Variants in CYP3A43 observed in about 807,000 individuals in gnomAD.
The protein encoded by CYP3A43 is cytochrome P450 family 3 subfamily A member 43.
A neutral mutation model predicts 58.0 loss-of-function variants in CYP3A43; 45 were observed. The observed-to-expected ratio is 0.78, with a 90% confidence interval of 0.61 to 0.99. The LOEUF is 0.99. Ranked by LOEUF, CYP3A43 falls within the 50% of genes least tolerant of loss-of-function variation. The pLI, the probability that CYP3A43 is intolerant of heterozygous loss-of-function variation, is 0.00. For missense variants in CYP3A43, 593 were observed against 591.9 expected, an observed-to-expected ratio of 1.00 and a Z score of -0.02; for synonymous variants, 191 against 201.4, an observed-to-expected ratio of 0.95 and a Z score of 0.44.
rs1442763897 is a variant in CYP3A43 at position 99,847,489 on chromosome 7, C to T, written c.320C>T (p.Pro107Leu). 7 of 1,613,596 alleles carry T rather than the reference C, an allele frequency of 4.3e-6. No homozygotes were observed. Among genetic ancestry groups the T allele is most frequent in the Non-Finnish European group, 3.4e-6 (4 of 1,179,828 alleles). ...AACTGCTTCTGCTTTGAACTCAAGC[C>T]TTTAGGTCCAATGGGATTTCTGAAA... The part of the protein sequence containing the change: ...ECYSVFTNQM[P>L]LGPMGFLKSA... The change falls in exon 5 of 13, where the codon CCT (proline) becomes CTT (leucine). Residue 107 changes from proline to leucine, a missense_variant and splice_region_variant. Coordinates refer to ENST00000354829, the MANE Select transcript of CYP3A43 (RefSeq NM_057095.3).
chr7:99,835,780 A>T, intron 1 of CYP3A43, among the ~76,000 whole-genome samples: 1 of 152,176 alleles, frequency 6.6e-6, no homozygotes, highest in East Asian at 1.9e-4. Context: ...CTTTTAGTGT[A>T]GGCAGAAATG....
At chr7:99,861,574 C>T in intron 10 of CYP3A43, 39 bp from the exon 11 acceptor site, 1 of 1,578,312 alleles carries the variant, frequency 6.3e-7, no homozygotes, top group Non-Finnish European at 8.7e-7. Context: ...AAGTTAATTC[C>T]CAATCTCAAT....
Position 99,861,784 on chromosome 7 carries a change from G to T in CYP3A43, c.1198G>T (p.Ala400Ser), listed in dbSNP as rs780731625. The change falls in exon 11 of 13, where the codon GCT becomes TCT. Residue 400 changes from alanine to serine, a missense_variant. By Grantham distance (99) the Ala-to-Ser change is moderately conservative. Coordinates refer to ENST00000354829, the MANE Select transcript of CYP3A43 (RefSeq NM_057095.3). ...GTTAGCAGTGATGGTTCCAATCTAT[G>T]CTCTTCACCATGACCCAAAGTACTG... ...KGLAVMVPIY[A>S]LHHDPKYWTE... 12 of 1,614,000 alleles carry T rather than the reference G, an allele frequency of 7.4e-6. No homozygotes were observed. Among genetic ancestry groups the T allele is most frequent in the Non-Finnish European group, 9.3e-6 (11 of 1,180,020 alleles).
intron 7 of CYP3A43, 134 bp downstream of exon 7, chr7:99,849,828 C>T (rs1817681063): frequency 6.2e-6 from 6 of 960,146 alleles, no homozygotes; most frequent in Non-Finnish European, 9.0e-6. Flanking sequence ...GTTTTTGGTA[C>T]ATTTAAAGAT....
chr7:99,846,553 G>T (rs549061), intron 4 of CYP3A43, among the ~76,000 whole-genome samples: 1 of 151,836 alleles, frequency 6.6e-6, no homozygotes, highest in African/African-American at 2.4e-5. Flanking sequence ...ATTTCTTGCC[G>T]TCCAATCTGT....
intron 10 of CYP3A43, among the ~76,000 whole-genome samples, chr7:99,860,349 G>A (rs2151624779): frequency 6.6e-6 from 1 of 152,324 alleles, no homozygotes; most frequent in African/African-American, 2.4e-5. Flanking sequence ...CTGTGGTCTG[G>A]CAGTGGTCTG....
chr7:99,856,982 C>G, intron 9 of CYP3A43, 83 bp downstream of exon 9: 1 of 1,474,756 alleles, frequency 6.8e-7, no homozygotes, highest in Non-Finnish European at 9.2e-7. Flanking sequence ...GAAAGTTTTC[C>G]AGGAAAATGA....
At position 99,828,078 on chromosome 7, in the gene CYP3A43, A is replaced by G; in HGVS notation, c.-38A>G. On this transcript the variant is annotated 5_prime_UTR_variant, in exon 1 of 13. Coordinates refer to ENST00000354829, the MANE Select transcript of CYP3A43 (RefSeq NM_057095.3). ...GCAAAGAGCAGCACACAGCTGAAAGAAAAACTCAGAAGACAGAGCTGAAAA... is the reference window on the plus strand; with the variant it reads ...GCAAAGAGCAGCACACAGCTGAAAGGAAAACTCAGAAGACAGAGCTGAAAA... The G allele has an allele frequency of 2.5e-6, 4 of 1,594,752 alleles. No individual in the cohort carries two copies. Among genetic ancestry groups the G allele is most frequent in the Non-Finnish European group, 3.4e-6 (4 of 1,164,138 alleles).
intron 1 of CYP3A43, 58 bp downstream of exon 1, chr7:99,828,244 G>A (rs1385947628): frequency 4.5e-6 from 6 of 1,335,054 alleles, no homozygotes; most frequent in Non-Finnish European, 6.1e-6. Flanking sequence ...TGCTAATTGG[G>A]CCCATCTTTT....
At chr7:99,859,689 A>G in intron 9 of CYP3A43, 141 bp from the exon 10 acceptor site, 1 of 1,063,070 alleles carries the variant, frequency 9.4e-7, no homozygotes, top group Non-Finnish European at 1.4e-6. Flanking sequence ...CATCAGAGTG[A>G]AGCCACCCGC....
intron 4 of CYP3A43, among the ~76,000 whole-genome samples, chr7:99,847,100 G>A (rs1280432106): frequency 2.6e-5 from 4 of 152,174 alleles, no homozygotes; most frequent in East Asian, 1.9e-4. Flanking sequence ...CTGAGGCAAC[G>A]TACAATCTGC....
At chr7:99,865,501 A>G (rs1396851610) in intron 12 of CYP3A43, among the ~76,000 whole-genome samples, 2 of 148,768 alleles carry the variant, frequency 1.3e-5, no homozygotes, top group East Asian at 3.8e-4. Flanking sequence ...TATAACACCT[A>G]CTGAGGATTA....
At position 99,849,739 on chromosome 7, in the gene CYP3A43, C is replaced by A. The variant is rs758431833; in HGVS notation, c.670+45C>A. ...ATTTCTCTCTCTCTCTCTCTCTCAT[C>A]TAATTTTTAAAAACAGTTTTATTGA... is the stretch of plus-strand genomic sequence containing the variant. On this transcript the variant is annotated intron_variant, in intron 7 of 12. Transcript: ENST00000354829. The A allele has an allele frequency of 1.1e-5, 16 of 1,498,746 alleles. No individual in the cohort carries two copies. In the African/African-American group the frequency reaches 2.3e-4, roughly 21 times the overall value. 92.8% of individuals were successfully genotyped at this position (1,498,746 alleles called of 1,614,324 possible). A position where few individuals can be genotyped will look rare whatever the true frequency, so the allele number is the denominator to read the frequency against.
chr7:99,855,871 G>A (rs569825831), intron 8 of CYP3A43, among the ~76,000 whole-genome samples, 153 bp downstream of exon 8: 1 of 152,272 alleles, frequency 6.6e-6, no homozygotes, highest in African/African-American at 2.4e-5. Context: ...GAATAAAGAA[G>A]GTGAAGCTTG....
At chr7:99,830,898 T>C (rs964315346) in intron 1 of CYP3A43, among the ~76,000 whole-genome samples, 13 of 152,250 alleles carry the variant, frequency 8.5e-5, no homozygotes, top group Non-Finnish European at 1.6e-4. Flanking sequence ...ACCCTACAGA[T>C]GTTACACAGA....
chr7:99,865,332 G>A (rs1479985073), intron 12 of CYP3A43, among the ~76,000 whole-genome samples: 1 of 148,588 alleles, frequency 6.7e-6, no homozygotes, highest in Non-Finnish European at 1.5e-5. Flanking sequence ...GCCTTGAGAA[G>A]CTTCCCATTT....
intron 7 of CYP3A43, 189 bp downstream of exon 7, chr7:99,849,883 CT>C (rs770257144): frequency 1.0e-5 from 7 of 676,472 alleles, no homozygotes; most frequent in Non-Finnish European, 1.7e-5. Flanking sequence ...TTTTTGTAAA[CT>C]TCTGAACATT....
intron 7 of CYP3A43, among the ~76,000 whole-genome samples, chr7:99,850,253 C>A (rs1018997820): frequency 2.0e-5 from 3 of 151,368 alleles, no homozygotes; most frequent in Admixed American, 6.6e-5. Flanking sequence ...CCGCACCTGG[C>A]CTTTTTTTCT....
chr7:99,863,090 A>G (rs1199513520), intron 11 of CYP3A43, among the ~76,000 whole-genome samples: 1 of 152,204 alleles, frequency 6.6e-6, no homozygotes, highest in African/African-American at 2.4e-5. Context: ...ACACCAGGCT[A>G]TAGAACAGTA....
Sources: allele counts gnomAD v4.1 joint callset (sites outside exome capture counted in the v4.1 genomes callset), GRCh38; gene constraint gnomAD v4.1.1; transcripts MANE v1.5; gene names NCBI Gene and HGNC (gene_info 2026-07-23, HGNC 2026-07-21).